Variants in NOX4 observed in about 807,000 individuals in gnomAD.
NOX4 encodes kidney oxidase-1.
Under a neutral mutation model 87.6 loss-of-function variants are expected in NOX4, and 69 were observed. The observed-to-expected ratio is 0.79, with a 90% CI of 0.65 to 0.96. The LOEUF is 0.96. Ranked by LOEUF, NOX4 falls within the 40% of genes least tolerant of loss-of-function variation. The pLI is 0.00. For synonymous variants in NOX4, 275 were observed against 238.2 expected, an observed-to-expected ratio of 1.15 and a Z score of -1.42; for missense variants, 680 against 681.5, an observed-to-expected ratio of 1.00 and a Z score of 0.02.
At position 89,359,574 on chromosome 11, in the gene NOX4, T is replaced by C. The variant is rs184068723; in HGVS notation, c.1136-4531A>G. On this transcript the variant is annotated intron_variant, in intron 12 of 17. Coordinates refer to ENST00000263317, the MANE Select transcript of NOX4 (RefSeq NM_016931.5). The stretch of plus-strand genomic sequence containing the variant: ...AAACAAAAGTAACAATGATTAATGC[T>C]ATTCTTGTATAACCTAAAGATCCTT... 6.8e-4 allele frequency among the ~76,000 whole-genome samples: 104 copies of C among 152,106 alleles called. 1 individual carries two copies. The East Asian group carries it at 0.013, about 19-fold the overall frequency.
chr11:89,532,661 T>G, the NOX4 span, among the ~76,000 whole-genome samples: 1 of 152,276 alleles, frequency 6.6e-6, no homozygotes. Context: ...AATTGTGTTT[T>G]AAAATTTCAG....
At position 89,421,484 on chromosome 11, in the gene NOX4, C is replaced by T. The variant is rs145412598; in HGVS notation, c.629+418G>A. Among the ~76,000 whole-genome samples the T allele has an allele frequency of 1.1e-3, 167 of 152,172 alleles. 2 individuals are homozygous for T. Among genetic ancestry groups the T allele is most frequent in the African/African-American group, 3.7e-3 (153 of 41,526 alleles). The stretch of plus-strand genomic sequence containing the variant: ...TCTTTGGCTCTCTCTGCAAGTATTA[C>T]TTCCTGTAGAACTTTTAAAATGAAA... On this transcript the variant is annotated intron_variant, in intron 8 of 17. Transcript: ENST00000263317.
chr11:89,419,589 A>T (rs1490273846), intron 8 of NOX4, among the ~76,000 whole-genome samples: 1 of 151,890 alleles, frequency 6.6e-6, no homozygotes, highest in Non-Finnish European at 1.5e-5. Context: ...TGCTTTCTTC[A>T]TTTCTACCTA....
rs148184318 is a variant in NOX4 at position 89,415,403 on chromosome 11, A to C, written c.629+6499T>G. Among the ~76,000 whole-genome samples, 466 of 152,206 alleles carry C rather than the reference A, an allele frequency of 3.1e-3. 3 individuals carry two copies. Among genetic ancestry groups the C allele is most frequent in the African/African-American group, 0.01 (432 of 41,568 alleles). On this transcript the variant is annotated intron_variant, in intron 8 of 17. Transcript: ENST00000263317. ...TGCAGTGATTCTAACTCTAAATAAA[A>C]CTGAAGTAGGCTATATAAAATGTGT...
the NOX4 span, among the ~76,000 whole-genome samples, chr11:89,560,961 C>CATCTCTCTCTCTCT: frequency 1.5e-3 from 80 of 52,534 alleles, 21 homozygotes; most frequent in African/African-American, 6.6e-3. Context: ...CATCTCATCT[C>CATCTCTCTCTCTCT]GTCTCTCTCT....
chr11:89,514,783 A>G, the NOX4 span, among the ~76,000 whole-genome samples: 1 of 152,024 alleles, frequency 6.6e-6, no homozygotes, highest in Admixed American at 6.6e-5. Context: ...TGTGTGTTAA[A>G]CTAACCTTGC....
At chr11:89,458,050 A>T (rs566073734) in intron 2 of NOX4, among the ~76,000 whole-genome samples, 147 of 152,358 alleles carry the variant, frequency 9.6e-4, no homozygotes, top group African/African-American at 3.2e-3. Context: ...AGAATTAGAA[A>T]AAAAACTATT....
At chr11:89,375,060 A>G (rs1939736805) in intron 11 of NOX4, among the ~76,000 whole-genome samples, 1 of 152,204 alleles carries the variant, frequency 6.6e-6, no homozygotes, top group African/African-American at 2.4e-5. Flanking sequence ...TCATTGATTC[A>G]TAATAAATTA....
chr11:89,329,639 AAAATATAAGAATG>A (rs1332052575), intron 17 of NOX4, among the ~76,000 whole-genome samples: 4 of 152,054 alleles, frequency 2.6e-5, no homozygotes, highest in African/African-American at 9.6e-5. Context: ...TCATCAACAG[AAAATATAAGAATG>A]AAATATAAGA....
At chr11:89,587,067 C>A in the NOX4 span, among the ~76,000 whole-genome samples, 11 of 152,080 alleles carry the variant, frequency 7.2e-5, no homozygotes, top group Non-Finnish European at 1.3e-4. Context: ...AAAAAGGCAA[C>A]TTTTGGGAGC....
the NOX4 span, chr11:89,548,441 C>A: frequency 6.6e-6 from 1 of 152,182 alleles, no homozygotes. Flanking sequence ...CTATCATTTA[C>A]AACACACTAA....
At chr11:89,569,183 G>GAA in the NOX4 span, among the ~76,000 whole-genome samples, 4 of 113,110 alleles carry the variant, frequency 3.5e-5, no homozygotes, top group East Asian at 2.5e-4. Context: ...TTCCAAAATT[G>GAA]AAAAAAAAAA....
intron 7 of NOX4, among the ~76,000 whole-genome samples, chr11:89,422,795 A>ATT (rs147956211): frequency 0.019 from 2,149 of 110,942 alleles, 84 homozygotes; most frequent in African/African-American, 0.061. Flanking sequence ...CAAAGTTCTG[A>ATT]TTTTTTTTTT....
At chr11:89,337,895 G>GA (rs904367183) in intron 15 of NOX4, among the ~76,000 whole-genome samples, 12 of 151,774 alleles carry the variant, frequency 7.9e-5, no homozygotes, top group Admixed American at 5.9e-4. Flanking sequence ...ATTTTCTTGA[G>GA]AAAAAAAGAC....
intron 8 of NOX4, among the ~76,000 whole-genome samples, chr11:89,412,555 T>C (rs576476395): frequency 6.6e-6 from 1 of 152,258 alleles, no homozygotes; most frequent in East Asian, 1.9e-4. Context: ...ATACTCCTGA[T>C]AACCAGTGAG....
intron 8 of NOX4, among the ~76,000 whole-genome samples, chr11:89,421,408 GT>G (rs143690618): frequency 3.3e-5 from 5 of 150,922 alleles, no homozygotes; most frequent in African/African-American, 1.2e-4. Context: ...TTCACTTTAT[GT>G]TTTTTTTCCT....
At chr11:89,511,381 G>A in the NOX4 span, among the ~76,000 whole-genome samples, 2 of 151,720 alleles carry the variant, frequency 1.3e-5, no homozygotes, top group East Asian at 1.9e-4. Flanking sequence ...TTTTGTCAAC[G>A]TTTCTCTTTT....
At chr11:89,444,370 G>A (rs1161445311) in intron 4 of NOX4, 138 bp from the exon 5 acceptor site, 17 of 701,088 alleles carry the variant, frequency 2.4e-5, no homozygotes, top group Non-Finnish European at 2.4e-6. Flanking sequence ...ACATTGAAAG[G>A]TGAAGTTTTA....
At chr11:89,549,536 G>C in the NOX4 span, among the ~76,000 whole-genome samples, 1 of 151,974 alleles carries the variant, frequency 6.6e-6, no homozygotes, top group South Asian at 2.1e-4. Flanking sequence ...ACATGTGCAG[G>C]GCATGCAGGT....
Sources: gnomAD v4.1 joint callset for allele counts (sites outside exome capture counted in the v4.1 genomes callset) on GRCh38, gnomAD v4.1.1 for gene constraint, MANE v1.5 for transcripts, NCBI Gene and HGNC (gene_info 2026-07-23, HGNC 2026-07-21) for gene names.